Variants in SYBU observed in about 807,000 individuals in gnomAD.
SYBU encodes the protein GOLSYN A protein.
Under a neutral mutation model 35.9 loss-of-function variants are expected in SYBU, and 21 were observed. The ratio of observed to expected loss-of-function variants is 0.58; its 90% CI spans 0.41 to 0.84. SYBU has a LOEUF of 0.84. SYBU is among the 40% of genes least tolerant of loss of function. SYBU has a pLI of 0.00. For synonymous variants in SYBU, 319 were observed against 324.3 expected (o/e 0.98, Z 0.18); for missense variants, 768 against 848.2 (o/e 0.91, Z 1.17).
At chr8:109,662,885 C>A (rs755365976) in intron 1 of SYBU, among the ~76,000 whole-genome samples, 55 of 152,240 alleles carry the variant, frequency 3.6e-4, no homozygotes, top group Non-Finnish European at 7.2e-4. Flanking sequence ...AACCTGAAGG[C>A]AAAGAAAGTA....
intron 1 of SYBU, chr8:109,643,728 A>G (rs545119499): frequency 5.4e-5 from 9 of 166,402 alleles, no homozygotes; most frequent in African/African-American, 1.9e-4. Context: ...TGCTTTTCCA[A>G]CCATTTTCTC....
At chr8:109,596,812 AT>A (rs148483660) in intron 3 of SYBU, among the ~76,000 whole-genome samples, 3,494 of 152,304 alleles carry the variant, frequency 0.023, 51 homozygotes, top group African/African-American at 0.053. Context: ...TCTGATAAAC[AT>A]GTATTTGCAT....
At chr8:109,585,101 C>G (rs2129677000) in intron 4 of SYBU, among the ~76,000 whole-genome samples, 1 of 152,234 alleles carries the variant, frequency 6.6e-6, no homozygotes, top group South Asian at 2.1e-4. Flanking sequence ...AATTTATTGT[C>G]CTTCTTGTCC....
intron 2 of SYBU, among the ~76,000 whole-genome samples, chr8:109,626,893 G>A (rs1311349610): frequency 6.6e-6 from 1 of 152,136 alleles, no homozygotes; most frequent in African/African-American, 2.4e-5. Context: ...ACCGATTACA[G>A]GTAAGAATAA....
At position 109,644,639 on chromosome 8, in the gene SYBU, G is replaced by A; in HGVS notation, c.21C>T (p.Ser7=). The change falls in exon 1 of 7, where the codon AGC becomes AGT. Residue 7 remains serine (S), a synonymous_variant. Coordinates refer to ENST00000276646, the MANE Select transcript of SYBU (RefSeq NM_001099754.2). Reference sequence around the variant, plus strand: ...CGCACTGCCCCGCGCTCCTTACCTTGCTCTCGCGGAGGGGCCCCATCGCGC... The same window carrying A: ...CGCACTGCCCCGCGCTCCTTACCTTACTCTCGCGGAGGGGCCCCATCGCGC... The part of the protein sequence containing the change: MGPLRE[S]KKEHRVQHHD... 1.3e-6 allele frequency: 2 copies of A among 1,534,108 alleles called. No individual in the cohort carries two copies. The highest frequency in any genetic ancestry group is 1.2e-5 in the South Asian group (1 of 83,964).
intron 3 of SYBU, among the ~76,000 whole-genome samples, chr8:109,613,518 G>A (rs1238643173): frequency 1.3e-5 from 2 of 152,138 alleles, no homozygotes; most frequent in Admixed American, 6.6e-5. Flanking sequence ...GAGCCTAGTG[G>A]TTAGAAAGTT....
At chr8:109,602,427 T>C (rs1489065682) in intron 3 of SYBU, among the ~76,000 whole-genome samples, 3 of 144,502 alleles carry the variant, frequency 2.1e-5, no homozygotes, top group African/African-American at 8.0e-5. Flanking sequence ...AACCTCTGTG[T>C]AATTTTTTTT....
intron 1 of SYBU, among the ~76,000 whole-genome samples, chr8:109,668,358 A>G (rs549485319): frequency 6.6e-6 from 1 of 152,190 alleles, no homozygotes; most frequent in Non-Finnish European, 1.5e-5. Context: ...TTCTAATTAT[A>G]CACCAACAAC....
chr8:109,615,709 A>AT (rs1022116494), intron 3 of SYBU, among the ~76,000 whole-genome samples: 1 of 152,178 alleles, frequency 6.6e-6, no homozygotes, highest in Admixed American at 6.5e-5. Context: ...GAGCAATTAC[A>AT]TTAGAAGCAG....
In SYBU at chr8:109,575,207, A is replaced by T. The variant is rs1822090384; in HGVS notation, c.1691T>A (p.Val564Glu). ...LSPVETPYAN[V>E]DAEVHANRLM... ...GCGGTTTGCATGAACTTCTGCATCC[A>T]CATTGGCGTAGGGGGTCTCCACGGG... Residue 564 changes from valine to glutamate, a missense_variant, in exon 7 of 7, where the codon GTG becomes GAG. Val to Glu is a moderately radical substitution (Grantham distance 121). Coordinates refer to ENST00000276646, the MANE Select transcript of SYBU (RefSeq NM_001099754.2). 3.7e-6 allele frequency: 6 copies of T among 1,614,172 alleles called. No individual in the cohort carries two copies. In the African/African-American group the frequency reaches 6.7e-5, roughly 18 times the overall value.
chr8:109,601,154 T>A (rs1825474256), intron 3 of SYBU, among the ~76,000 whole-genome samples: 1 of 152,206 alleles, frequency 6.6e-6, no homozygotes, highest in South Asian at 2.1e-4. Flanking sequence ...CACTGTGGAC[T>A]CAGAGCCTAC....
intron 3 of SYBU, among the ~76,000 whole-genome samples, chr8:109,613,120 T>TA (rs1301088308): frequency 6.6e-6 from 1 of 152,220 alleles, no homozygotes; most frequent in Non-Finnish European, 1.5e-5. Context: ...CCATCAGCTG[T>TA]AAACTCATAC....
At chr8:109,678,315 A>G (rs185417244) in intron 1 of SYBU, among the ~76,000 whole-genome samples, 5 of 151,852 alleles carry the variant, frequency 3.3e-5, no homozygotes, top group Non-Finnish European at 5.9e-5. Context: ...GTCATGTCCC[A>G]TAACTTAAGA....
chr8:109,682,810 C>T (rs1817431777), upstream of SYBU, among the ~76,000 whole-genome samples: 1 of 152,168 alleles, frequency 6.6e-6, no homozygotes, highest in African/African-American at 2.4e-5. Flanking sequence ...TTTCATGGGC[C>T]AGGCCCAGGG....
intron 3 of SYBU, chr8:109,607,811 C>CAT (rs1175620941): frequency 2.7e-6 from 1 of 375,446 alleles, no homozygotes; most frequent in African/African-American, 2.7e-5. Flanking sequence ...AACTAACTCA[C>CAT]ACACACACAC....
intron 2 of SYBU, among the ~76,000 whole-genome samples, chr8:109,624,796 G>A (rs944941942): frequency 7.0e-6 from 1 of 142,076 alleles, no homozygotes; most frequent in African/African-American, 2.9e-5. Flanking sequence ...GCAGCCTGCA[G>A]GGCAAATTTG....
At chr8:109,683,235 A>G (rs1587001914), upstream of SYBU, among the ~76,000 whole-genome samples, 1 of 152,204 alleles carries the variant, frequency 6.6e-6, no homozygotes, top group African/African-American at 2.4e-5. Context: ...CACAGACAAC[A>G]CCAGCCTGTG....
intron 1 of SYBU, chr8:109,644,044 G>A (rs1815262297): frequency 2.2e-6 from 1 of 455,390 alleles, no homozygotes; most frequent in South Asian, 1.6e-5. Context: ...TCCTTCCACC[G>A]GCTTACCAGG....
intron 1 of SYBU, among the ~76,000 whole-genome samples, chr8:109,661,204 T>A (rs1463157603): frequency 6.6e-6 from 1 of 152,130 alleles, no homozygotes; most frequent in African/African-American, 2.4e-5. Context: ...CATGAGAGAG[T>A]GCCTTCTGAC....
Sources: allele counts gnomAD v4.1 joint callset (sites outside exome capture counted in the v4.1 genomes callset), GRCh38; gene constraint gnomAD v4.1.1; transcripts MANE v1.5; gene names NCBI Gene and HGNC (gene_info 2026-07-23, HGNC 2026-07-21).